The following RERE variants were observed in gnomAD, a reference collection of about 807,000 sequenced individuals.
RERE encodes arginine-glutamic acid dipeptide repeats.
A neutral mutation model predicts 146.1 loss-of-function variants in RERE; 40 were observed. That is an observed-to-expected ratio of 0.27 (90% CI 0.21 to 0.36). RERE has a LOEUF of 0.36. RERE is among the 10% of genes least tolerant of loss of function. RERE has a pLI of 1.00. For missense variants in RERE, 1,933 were observed against 2,138.7 expected, an observed-to-expected ratio of 0.90 and a Z score of 1.90; for synonymous variants, 1,003 against 866.0, an observed-to-expected ratio of 1.16 and a Z score of -2.78.
In RERE at chr1:8,354,814, T is replaced by C; in HGVS notation, c.*273A>G. 6.4e-6 allele frequency: 3 copies of C among 465,652 alleles called. No homozygotes were observed. The highest frequency in any genetic ancestry group is 4.0e-5 in the Admixed American group (1 of 25,224). 28.8% of individuals were successfully genotyped at this position (465,652 alleles called of 1,614,324 possible). ...AGAAAACTAAAGCCAAACCCCAAGA[T>C]TGCAGGGAAGCTTTCTGGATGTTCA... On this transcript the variant is annotated 3_prime_UTR_variant, in exon 23 of 23. Coordinates refer to ENST00000400908, the MANE Select transcript of RERE (RefSeq NM_001042681.2).
At chr1:8,578,655 G>A (rs980892578) in intron 4 of RERE, among the ~76,000 whole-genome samples, 4 of 152,054 alleles carry the variant, frequency 2.6e-5, no homozygotes, top group African/African-American at 9.7e-5. Flanking sequence ...GCAGTGGAAG[G>A]CATCACATGG....
At position 8,356,406 on chromosome 1, in the gene RERE, G is replaced by C. The variant is rs547611838; in HGVS notation, c.4340-160C>G. On this transcript the variant is annotated intron_variant, in intron 20 of 22. Coordinates refer to ENST00000400908, the MANE Select transcript of RERE (RefSeq NM_001042681.2). This position sits in a 1 kb window ranked among gnomAD's most constrained non-coding sequence, Gnocchi z 5.2. ...CTACAGGTGGCCCTGCCCCAAAGTG[G>C]CTGCCTCCACCTTCAGCAAGAGCTC... Among the ~76,000 whole-genome samples, 1 of 152,288 alleles carries C rather than the reference G, an allele frequency of 6.6e-6. No individual in the cohort carries two copies. Among genetic ancestry groups the C allele is most frequent in the East Asian group, 1.9e-4 (1 of 5,170 alleles).
chr1:8,387,998 A>C (rs2124420323), intron 12 of RERE, among the ~76,000 whole-genome samples: 1 of 152,364 alleles, frequency 6.6e-6, no homozygotes, highest in Admixed American at 6.5e-5. Flanking sequence ...CACTGGAACC[A>C]ACTGAAATGT....
At position 8,358,903 on chromosome 1, in the gene RERE, G is replaced by A. The variant is rs775148424; in HGVS notation, c.3632C>T (p.Ser1211Leu). Residue 1211 changes from serine (S) to leucine (L), a missense_variant, in exon 20 of 23, where the codon TCA becomes TTA. Ser to Leu is a moderately radical substitution (Grantham distance 145). Around this residue, in one of 11 missense-constraint regions of RERE, gnomAD observed 1,255 missense variants for 1,153.8 expected, o/e 1.09. Transcript: ENST00000400908. ...EAERAAKASS[S>L]AHEGRLSDPQ... Reference sequence around the variant, plus strand: ...GTCACTGAGGCGACCTTCATGCGCTGAGCTGGACGCCTTCTGCAGAAGGAA... The same window carrying A: ...GTCACTGAGGCGACCTTCATGCGCTAAGCTGGACGCCTTCTGCAGAAGGAA... 6.5e-7 allele frequency: 1 copy of A among 1,532,322 alleles called. No individual in the cohort carries two copies. Among genetic ancestry groups the A allele is most frequent in the Non-Finnish European group, 8.8e-7 (1 of 1,141,482 alleles). The allele number at this position is 1,532,322 out of a possible 1,614,324, so 94.9% of individuals were successfully genotyped here.
chr1:8,407,414 T>G (rs1212978785), intron 12 of RERE, among the ~76,000 whole-genome samples: 1 of 152,220 alleles, frequency 6.6e-6, no homozygotes, highest in African/African-American at 2.4e-5. Context: ...CATACATTTA[T>G]ACTTTATAAG....
At chr1:8,489,245 A>T (rs189219751) in intron 10 of RERE, among the ~76,000 whole-genome samples, 70 of 152,188 alleles carry the variant, frequency 4.6e-4, no homozygotes, top group Admixed American at 3.9e-4. Context: ...CTGTAGTCCC[A>T]GGTACTCAGG....
In RERE at chr1:8,423,092, C is replaced by A. The variant is rs975358819; in HGVS notation, c.1204-285G>T. 5.1e-6 allele frequency: 2 copies of A among 390,286 alleles called. No individual in the cohort carries two copies. The highest frequency in any genetic ancestry group is 9.6e-6 in the Non-Finnish European group (2 of 208,016). The allele number at this position is 390,286 out of a possible 1,614,324, so 24.2% of individuals were successfully genotyped here. On this transcript the variant is annotated intron_variant, in intron 11 of 22. Coordinates refer to ENST00000400908, the MANE Select transcript of RERE (RefSeq NM_001042681.2). The surrounding 1 kb of genome is among the most constrained non-coding windows in gnomAD (Gnocchi z 5.4). ...CTAAGAAGCAATCTGTCCCCCTCTT[C>A]CACCAGGCACACATTCTGGTGCACG...
chr1:8,635,942 T>TTATC (rs1647093686), intron 2 of RERE, among the ~76,000 whole-genome samples: 2 of 60,718 alleles, frequency 3.3e-5, no homozygotes, highest in Admixed American at 3.3e-4. Flanking sequence ...CAATTATTAT[T>TTATC]TTATTTTATC....
chr1:8,800,922 G>A (rs539970462), intron 1 of RERE, among the ~76,000 whole-genome samples: 1 of 152,086 alleles, frequency 6.6e-6, no homozygotes, highest in South Asian at 2.1e-4. Context: ...CCGAGATTGC[G>A]CCACTGCACT....
chr1:8,460,016 A>C (rs1256746452), intron 11 of RERE, among the ~76,000 whole-genome samples: 1 of 152,178 alleles, frequency 6.6e-6, no homozygotes, highest in African/African-American at 2.4e-5. Context: ...CGTAACCATA[A>C]CTACAAGCTC....
chr1:8,468,872 G>A lies in RERE; in HGVS notation c.1105-2849C>T, dbSNP rs564761469. Among the ~76,000 whole-genome samples the A allele has an allele frequency of 2.6e-5, 4 of 151,756 alleles. No individual in the cohort carries two copies. The South Asian group carries it at 6.3e-4, about 24-fold the overall frequency. ...GATCACACCACTGCACTACAAGTCC[G>A]GGTGACAGAGTGAAACCCTGCCTCC... On this transcript the variant is annotated intron_variant, in intron 10 of 22. Transcript: ENST00000400908.
chr1:8,361,618 G>C (rs1240988106), intron 17 of RERE, 128 bp from the exon 18 acceptor site: 1 of 1,391,386 alleles, frequency 7.2e-7, no homozygotes, highest in Non-Finnish European at 1.0e-6. Flanking sequence ...GGGACCACAG[G>C]TCGTGCCCTG....
At chr1:8,678,921 G>A (rs1638904331) in intron 1 of RERE, among the ~76,000 whole-genome samples, 1 of 152,120 alleles carries the variant, frequency 6.6e-6, no homozygotes, top group Non-Finnish European at 1.5e-5. Context: ...GGGCCATGCT[G>A]TCCAGTATAG....
intron 11 of RERE, among the ~76,000 whole-genome samples, chr1:8,450,459 C>A (rs1166735677): frequency 6.6e-6 from 1 of 152,058 alleles, no homozygotes; most frequent in African/African-American, 2.4e-5. Context: ...TCCTTCCCAG[C>A]CCTTCCTGTA....
intron 4 of RERE, among the ~76,000 whole-genome samples, chr1:8,574,634 AC>A (rs1316429286): frequency 6.6e-6 from 1 of 152,186 alleles, no homozygotes; most frequent in Non-Finnish European, 1.5e-5. Context: ...ACTTACAAAA[AC>A]ATGAATTTCA....
intron 10 of RERE, 144 bp downstream of exon 10, chr1:8,494,919 C>T (rs918561114): frequency 4.7e-6 from 3 of 640,076 alleles, no homozygotes; most frequent in Admixed American, 4.4e-5. Context: ...GGCCTGGAGC[C>T]CCCATGGCAC....
intron 10 of RERE, among the ~76,000 whole-genome samples, chr1:8,481,415 G>C (rs549780034): frequency 6.6e-6 from 1 of 152,026 alleles, no homozygotes; most frequent in Non-Finnish European, 1.5e-5. Context: ...CACCCGGCCC[G>C]ATTAACCAGA....
At chr1:8,518,405 C>G (rs551730776) in intron 7 of RERE, among the ~76,000 whole-genome samples, 2 of 152,314 alleles carry the variant, frequency 1.3e-5, no homozygotes, top group African/African-American at 4.8e-5. Context: ...ATCTCTCTCC[C>G]TGTCCTTCAG....
chr1:8,380,340 CT>C (rs34580017), intron 12 of RERE, among the ~76,000 whole-genome samples: 96,397 of 142,236 alleles, frequency 0.68, 32,524 homozygotes, highest in East Asian at 0.91. Context: ...AGTCAACAGG[CT>C]TTTTTTTTTT....
Sources: gnomAD v4.1 joint callset for allele counts (sites outside exome capture counted in the v4.1 genomes callset) on GRCh38, gnomAD v4.1.1 for gene constraint, gnomAD v4.1.1 regional missense constraint, Gnocchi (gnomAD v3.1) non-coding constraint, MANE v1.5 for transcripts, NCBI Gene and HGNC (gene_info 2026-07-23, HGNC 2026-07-21) for gene names.